Variants in SPMIP7 observed in about 807,000 individuals in gnomAD.
SPMIP7 encodes sperm microtubule inner protein 7.
chr7:50,132,957 G>A, the SPMIP7 span, among the ~76,000 whole-genome samples: 1 of 152,114 alleles, frequency 6.6e-6, no homozygotes, highest in East Asian at 1.9e-4. Context: ...GAGAATCACT[G>A]GTAATTCTTT....
the SPMIP7 span, among the ~76,000 whole-genome samples, chr7:50,108,430 C>A: frequency 1.3e-5 from 2 of 151,990 alleles, no homozygotes; most frequent in Non-Finnish European, 2.9e-5. Flanking sequence ...GGAAGAGATG[C>A]TATATTAGAG....
At chr7:50,127,617 C>CTATATATATA in the SPMIP7 span, among the ~76,000 whole-genome samples, 28,806 of 142,040 alleles carry the variant, frequency 0.2, 3,233 homozygotes, top group African/African-American at 0.28. Flanking sequence ...ATATCTTTTT[C>CTATATATATA]TATATATATA....
chr7:50,110,706 A>T, the SPMIP7 span, among the ~76,000 whole-genome samples: 1,865 of 110,944 alleles, frequency 0.017, 20 homozygotes, highest in Non-Finnish European at 0.024. Context: ...ATATTATTAT[A>T]TAATATATTG....
the SPMIP7 span, among the ~76,000 whole-genome samples, chr7:50,123,396 A>T: frequency 1.6e-5 from 2 of 127,762 alleles, no homozygotes; most frequent in Admixed American, 9.1e-5. Flanking sequence ...GAAGGGGTAC[A>T]TCACACTCTG....
chr7:50,135,429 A>T, the SPMIP7 span, among the ~76,000 whole-genome samples: 1 of 152,230 alleles, frequency 6.6e-6, no homozygotes. Flanking sequence ...GTAGGTTAAG[A>T]TGCCTATATT....
the SPMIP7 span, among the ~76,000 whole-genome samples, chr7:50,150,133 G>T: frequency 6.6e-6 from 1 of 152,172 alleles, no homozygotes; most frequent in Non-Finnish European, 1.5e-5. Context: ...AAGATAAGTG[G>T]TTCCTGGAGA....
the SPMIP7 span, among the ~76,000 whole-genome samples, chr7:50,099,979 C>T: frequency 1.3e-5 from 2 of 152,074 alleles, no homozygotes; most frequent in South Asian, 4.2e-4. Context: ...GGGTGCTGGA[C>T]ACGAATGAAT....
At chr7:50,126,379 G>GT in the SPMIP7 span, among the ~76,000 whole-genome samples, 751 of 149,132 alleles carry the variant, frequency 5.0e-3, no homozygotes, top group South Asian at 7.3e-3. Context: ...ATATATATCT[G>GT]TTTTTTTTTT....
the SPMIP7 span, among the ~76,000 whole-genome samples, chr7:50,144,578 C>A: frequency 6.6e-6 from 1 of 152,130 alleles, no homozygotes; most frequent in African/African-American, 2.4e-5. Flanking sequence ...GTACACTTAT[C>A]CATGCATTCT....
the SPMIP7 span, among the ~76,000 whole-genome samples, chr7:50,097,106 ACT>A: frequency 6.6e-6 from 1 of 152,206 alleles, no homozygotes; most frequent in Non-Finnish European, 1.5e-5. Context: ...AATGAAGCAA[ACT>A]CTGCATAAAT....
the SPMIP7 span, among the ~76,000 whole-genome samples, chr7:50,134,654 T>C: frequency 6.6e-6 from 1 of 152,192 alleles, no homozygotes; most frequent in African/African-American, 2.4e-5. Flanking sequence ...AGCTCTGTAC[T>C]TTTCATGGCA....
chr7:50,141,452 T>G, the SPMIP7 span: 24 of 1,009,068 alleles, frequency 2.4e-5, no homozygotes, highest in African/African-American at 6.4e-5. Flanking sequence ...ATGATGGACT[T>G]TACCATAAAT....
At chr7:50,141,176 T>C in the SPMIP7 span, 1 of 689,492 alleles carries the variant, frequency 1.5e-6, no homozygotes, top group Non-Finnish European at 2.5e-6. Flanking sequence ...GCCTTTGATC[T>C]ACTTTGGCAA....
At chr7:50,150,353 A>T in the SPMIP7 span, among the ~76,000 whole-genome samples, 10 of 152,178 alleles carry the variant, frequency 6.6e-5, no homozygotes, top group Non-Finnish European at 1.0e-4. Context: ...AGCCACTGAG[A>T]TGAATGAAAT....
the SPMIP7 span, among the ~76,000 whole-genome samples, chr7:50,125,585 GGTGTGTGTGT>G: frequency 9.9e-5 from 14 of 140,824 alleles, no homozygotes; most frequent in African/African-American, 7.9e-5. Flanking sequence ...AAGAAAATAT[GGTGTGTGTGT>G]GTGTGTGTGT....
the SPMIP7 span, among the ~76,000 whole-genome samples, chr7:50,104,940 A>G: frequency 6.6e-6 from 1 of 152,224 alleles, no homozygotes; most frequent in Admixed American, 6.5e-5. Flanking sequence ...ATCCTCTCTG[A>G]ATCCCTGCTC....
the SPMIP7 span, among the ~76,000 whole-genome samples, chr7:50,143,609 A>T: frequency 6.6e-6 from 1 of 152,246 alleles, no homozygotes; most frequent in African/African-American, 2.4e-5. Context: ...TTACTAAGTC[A>T]TCTGACATGC....
At chr7:50,117,344 G>A in the SPMIP7 span, 1,428 of 418,816 alleles carry the variant, frequency 3.4e-3, 31 homozygotes, top group African/African-American at 0.027. Flanking sequence ...TTTAAAAGCG[G>A]TAGCAGCAGC....
the SPMIP7 span, among the ~76,000 whole-genome samples, chr7:50,114,793 G>T: frequency 6.6e-6 from 1 of 152,118 alleles, no homozygotes; most frequent in Admixed American, 6.6e-5. Context: ...ACTTTGGGAC[G>T]CTGAGGAGAG....
Sources: gnomAD v4.1 joint callset for allele counts (sites outside exome capture counted in the v4.1 genomes callset) on GRCh38, gnomAD v4.1.1 for gene constraint, MANE v1.5 for transcripts, NCBI Gene and HGNC (gene_info 2026-07-23, HGNC 2026-07-21) for gene names.